FSD2: variants seen among roughly 807,000 people sequenced by gnomAD.
FSD2 encodes the protein fibronectin type III and SPRY domain-containing protein 2.
In FSD2, 71 loss-of-function variants were observed where a neutral mutation model predicts 80.4. The ratio of observed to expected loss-of-function variants is 0.88; its 90% CI spans 0.73 to 1.08. FSD2 has a LOEUF of 1.08. Among genes scored for constraint, FSD2 ranks in the 50% least tolerant of loss-of-function variants. FSD2 has a pLI of 0.00. For synonymous variants in FSD2, 361 were observed against 329.5 expected (o/e 1.10, Z -1.03); for missense variants, 923 against 913.8 (o/e 1.01, Z -0.13).
At chr15:82,792,330 CTCAT>C (rs1369539362) in intron 1 of FSD2, among the ~76,000 whole-genome samples, 1 of 152,184 alleles carries the variant, frequency 6.6e-6, no homozygotes, top group East Asian at 1.9e-4. Flanking sequence ...GAAATGGTAT[CTCAT>C]TGTGGTTTTG....
At chr15:82,798,433 C>T (rs951776194) in intron 1 of FSD2, among the ~76,000 whole-genome samples, 1 of 152,090 alleles carries the variant, frequency 6.6e-6, no homozygotes, top group Non-Finnish European at 1.5e-5. Context: ...CCAAATTGTG[C>T]AGCCATCATC....
Position 82,786,716 on chromosome 15 carries a change from T to C in FSD2, c.639+36A>G, listed in dbSNP as rs543325015. 6 of 1,609,978 alleles carry C rather than the reference T, an allele frequency of 3.7e-6. No individual in the cohort carries two copies. In the African/African-American group the frequency reaches 8.0e-5, roughly 22 times the overall value. On this transcript the variant is annotated intron_variant, in intron 2 of 12. Coordinates refer to ENST00000334574, the MANE Select transcript of FSD2 (RefSeq NM_001007122.4). ...GTATGTACTTGAGATACCAAAGCAA[T>C]ATCAAGACAGAGAAGAACCAAGGAC...
At chr15:82,790,412 A>G (rs969558092) in intron 1 of FSD2, among the ~76,000 whole-genome samples, 2 of 152,104 alleles carry the variant, frequency 1.3e-5, no homozygotes, top group East Asian at 3.9e-4. Context: ...CTGCCTCCCC[A>G]TTTTATTGCT....
intron 6 of FSD2, among the ~76,000 whole-genome samples, 182 bp downstream of exon 6, chr15:82,778,584 A>G (rs2151507952): frequency 6.6e-6 from 1 of 152,336 alleles, no homozygotes; most frequent in Admixed American, 6.5e-5. Context: ...AAGATTAGTT[A>G]TACAAGATGG....
intron 3 of FSD2, among the ~76,000 whole-genome samples, chr15:82,785,315 A>C (rs2049969562): frequency 6.9e-6 from 1 of 144,220 alleles, no homozygotes; most frequent in Non-Finnish European, 1.5e-5. Flanking sequence ...TTATTTATTT[A>C]TTTATTTATT....
chr15:82,776,639 AT>A (rs1426473384), intron 6 of FSD2, among the ~76,000 whole-genome samples: 3 of 152,208 alleles, frequency 2.0e-5, no homozygotes. Context: ...AAGAATTAAT[AT>A]TGTTAAAATG....
At position 82,755,946 on chromosome 15, in the gene FSD2, TG is replaced by T; in HGVS notation, c.*3401del. ...AAAGCTGGATTTGGTTATGTTCTTC[TG>T]GAGACTAAGAAAATAGAGTCCTTGA... is the stretch of plus-strand genomic sequence containing the variant. On this transcript the variant is annotated 3_prime_UTR_variant, in exon 13 of 13. Transcript: ENST00000334574. 1.9e-6 allele frequency: 1 copy of T among 513,158 alleles called. No individual in the cohort carries two copies. The highest frequency in any genetic ancestry group is 1.4e-5 in the South Asian group (1 of 70,184). 31.8% of individuals were successfully genotyped at this position (513,158 alleles called of 1,614,324 possible). A position where few individuals can be genotyped will look rare whatever the true frequency, so the allele number is the denominator to read the frequency against.
chr15:82,803,010 G>A (rs937097322), intron 1 of FSD2, among the ~76,000 whole-genome samples: 44 of 152,112 alleles, frequency 2.9e-4, no homozygotes, highest in African/African-American at 1.0e-3. Flanking sequence ...TGGGCTAGGC[G>A]CTGGGGGTAC....
chr15:82,781,364 G>A (rs1232023532), intron 4 of FSD2, among the ~76,000 whole-genome samples: 2 of 152,128 alleles, frequency 1.3e-5, no homozygotes, highest in Admixed American at 1.3e-4. Flanking sequence ...TTATTCGCTG[G>A]CCCCTCACCC....
chr15:82,780,528 T>C (rs2049829515), intron 4 of FSD2, among the ~76,000 whole-genome samples: 1 of 151,808 alleles, frequency 6.6e-6, no homozygotes, highest in Admixed American at 6.6e-5. Flanking sequence ...AGAGACAGCG[T>C]TTTACCATAT....
rs1323780388 is a variant in FSD2, at chr15:82,787,413, A to G, written c.-23T>C. ...CATTGTAACTCTGGAAGTCCTCAGA[A>G]GCACCTTTATATAAGAAAGATCCTT... On this transcript the variant is annotated 5_prime_UTR_variant, in exon 2 of 13. Transcript: ENST00000334574. 1 of 1,569,076 alleles carries G rather than the reference A, an allele frequency of 6.4e-7. No homozygotes were observed. The highest frequency in any genetic ancestry group is 2.2e-5 in the East Asian group (1 of 44,524).
At chr15:82,767,305 G>T (rs1380770458) in intron 9 of FSD2, among the ~76,000 whole-genome samples, 1 of 152,188 alleles carries the variant, frequency 6.6e-6, no homozygotes, top group African/African-American at 2.4e-5. Flanking sequence ...TGCTGAGGAG[G>T]TAACTGGATG....
chr15:82,787,120 C>T lies in FSD2; in HGVS notation c.271G>A (p.Val91Ile). The stretch of plus-strand genomic sequence containing the variant: ...CCTGTTCTGGGTATGTTTTCATCAA[C>T]AAACTCATCCCCTAATTCATGATCA... ...EDDHELGDEFVDENIPRTGVS... is the reference protein window; with the variant it reads ...EDDHELGDEFIDENIPRTGVS... The change falls in exon 2 of 13, where the codon GTT (valine) becomes ATT (isoleucine). Residue 91 changes from valine (V) to isoleucine (I), a missense_variant. Physicochemically the swap from Val to Ile is conservative, Grantham distance 29 (BLOSUM62 3). Transcript: ENST00000334574. The T allele has an allele frequency of 1.9e-6, 3 of 1,614,038 alleles. No homozygotes were observed. Among genetic ancestry groups the T allele is most frequent in the Non-Finnish European group, 2.5e-6 (3 of 1,179,908 alleles).
chr15:82,790,881 G>T (rs1175841624), intron 1 of FSD2, among the ~76,000 whole-genome samples: 1 of 151,134 alleles, frequency 6.6e-6, no homozygotes, highest in Non-Finnish European at 1.5e-5. Context: ...CACCACGCCC[G>T]GCCCATTGTG....
chr15:82,785,437 G>A (rs1161487638), intron 3 of FSD2, among the ~76,000 whole-genome samples: 1 of 151,790 alleles, frequency 6.6e-6, no homozygotes, highest in Non-Finnish European at 1.5e-5. Context: ...CAATTCTCCT[G>A]CCTCAGCCTC....
chr15:82,785,295 A>G (rs1326833541), intron 3 of FSD2, among the ~76,000 whole-genome samples: 9 of 147,730 alleles, frequency 6.1e-5, no homozygotes, highest in African/African-American at 1.3e-4. Context: ...AGACAAAGGC[A>G]ATACATTATT....
At chr15:82,800,707 A>AAAT (rs2050392054) in intron 1 of FSD2, among the ~76,000 whole-genome samples, 1 of 144,978 alleles carries the variant, frequency 6.9e-6, no homozygotes, top group East Asian at 2.1e-4. Context: ...AAAAAAAAAA[A>AAAT]AAAAAAGCCC....
intron 4 of FSD2, among the ~76,000 whole-genome samples, 153 bp from the exon 5 acceptor site, chr15:82,780,420 C>T (rs944170707): frequency 1.6e-4 from 24 of 151,460 alleles, no homozygotes; most frequent in South Asian, 2.1e-4. Flanking sequence ...CTGCAACCTC[C>T]GCCTCCCAGG....
intron 1 of FSD2, among the ~76,000 whole-genome samples, chr15:82,797,693 C>T: frequency 6.6e-6 from 1 of 152,020 alleles, no homozygotes; most frequent in Non-Finnish European, 1.5e-5. Context: ...GCCTGTAGTC[C>T]CAGCTACTTG....
Sources: allele counts gnomAD v4.1 joint callset (sites outside exome capture counted in the v4.1 genomes callset), GRCh38; gene constraint gnomAD v4.1.1; transcripts MANE v1.5; gene names NCBI Gene and HGNC (gene_info 2026-07-23, HGNC 2026-07-21).